MRPS18B: variants seen among roughly 807,000 people sequenced by gnomAD.
MRPS18B encodes the protein mitochondrial ribosomal protein S18B.
MRPS18B carries 27 observed loss-of-function variants against 28.4 expected under a neutral mutation model. The observed-to-expected ratio is 0.95, with a 90% CI of 0.70 to 1.31. The LOEUF (loss-of-function observed/expected upper bound fraction) is 1.31, where lower values mean the gene tolerates loss of function less well. MRPS18B is among the 40% of genes most tolerant of loss of function. The probability of loss-of-function intolerance (pLI) is 0.00; values close to 1 mark genes in which losing one functional copy is unlikely to be tolerated. For synonymous variants in MRPS18B, 118 were observed against 123.7 expected, an observed-to-expected ratio of 0.95 and a Z score of 0.30; for missense variants, 343 against 335.9, an observed-to-expected ratio of 1.02 and a Z score of -0.17.
At chr6:30,620,907 A>G (rs981388059) in intron 4 of MRPS18B, among the ~76,000 whole-genome samples, 8 of 152,182 alleles carry the variant, frequency 5.3e-5, no homozygotes, top group Non-Finnish European at 8.8e-5. Context: ...CAATATCCAA[A>G]GATTCGTTTG....
Position 30,621,987 on chromosome 6 carries a change from TGAGA to T in MRPS18B, c.355-838_355-835del, listed in dbSNP as rs112681062. The stretch of plus-strand genomic sequence containing the variant: ...CAGAGATTATAATTAATTACATAAC[TGAGA>T]GAGAGAAATGTTACAAATTTAGTAG... On this transcript the variant is annotated intron_variant, in intron 4 of 6. Transcript: ENST00000259873. Among the ~76,000 whole-genome samples the T allele has an allele frequency of 6.6e-3, 1,001 of 151,980 alleles. 11 individuals are homozygous for T. The highest frequency in any genetic ancestry group is 0.022 in the African/African-American group (922 of 41,418).
In MRPS18B at chr6:30,624,798, A is replaced by T. The variant is rs542538475; in HGVS notation, c.422-85A>T. 7 of 1,483,788 alleles carry T rather than the reference A, an allele frequency of 4.7e-6. No individual in the cohort carries two copies. The African/African-American group carries it at 9.7e-5, about 21-fold the overall frequency. The allele number at this position is 1,483,788 out of a possible 1,614,324, so 91.9% of individuals were successfully genotyped here. ...TCATTAGGTAAAGCCAATCCTTCCCAATCTACCCCTCTGTCACCATATGGA... is the reference window on the plus strand; with the variant it reads ...TCATTAGGTAAAGCCAATCCTTCCCTATCTACCCCTCTGTCACCATATGGA... On this transcript the variant is annotated intron_variant, in intron 5 of 6. Transcript: ENST00000259873.
At chr6:30,618,133 G>C (rs1760853773) in intron 1 of MRPS18B, among the ~76,000 whole-genome samples, 190 bp downstream of exon 1, 1 of 150,910 alleles carries the variant, frequency 6.6e-6, no homozygotes, top group Non-Finnish European at 1.5e-5. Context: ...TAAACGCCAG[G>C]GTTAGGTATC....
chr6:30,623,926 C>G (rs1761324417), intron 5 of MRPS18B, among the ~76,000 whole-genome samples: 1 of 151,908 alleles, frequency 6.6e-6, no homozygotes. Flanking sequence ...CAGGCACATG[C>G]CACCATGTCC....
At chr6:30,619,675 A>G (rs1761014577) in intron 2 of MRPS18B, 34 bp from the exon 3 acceptor site, 3 of 1,611,358 alleles carry the variant, frequency 1.9e-6, no homozygotes, top group Non-Finnish European at 2.5e-6. Flanking sequence ...CTACACTCCC[A>G]CCCAGGAATA....
At chr6:30,619,298 C>G (rs1330157628) in intron 1 of MRPS18B, among the ~76,000 whole-genome samples, 195 bp from the exon 2 acceptor site, 1 of 152,102 alleles carries the variant, frequency 6.6e-6, no homozygotes, top group East Asian at 1.9e-4. Flanking sequence ...CTTTCAGGAT[C>G]CAATTGTAGA....
chr6:30,625,624 T>A lies in MRPS18B; in HGVS notation c.604T>A (p.Trp202Arg), dbSNP rs1314128998. 1 of 1,612,890 alleles carries A rather than the reference T, an allele frequency of 6.2e-7. No individual in the cohort carries two copies. The highest frequency in any genetic ancestry group is 2.2e-5 in the East Asian group (1 of 44,900). Reference sequence around the variant, plus strand: ...GGTCTCAGGTGACCCCTGGTACCCATGGTACAACTGGAAACAGCCACCGGA... The same window carrying A: ...GGTCTCAGGTGACCCCTGGTACCCAAGGTACAACTGGAAACAGCCACCGGA... ...TLVSGDPWYP[W>R]YNWKQPPERE... Residue 202 changes from tryptophan (W) to arginine (R), a missense_variant, in exon 7 of 7, where the codon TGG (tryptophan) becomes AGG (arginine). Transcript: ENST00000259873.
chr6:30,620,575 G>GTT (rs879897757), intron 4 of MRPS18B, among the ~76,000 whole-genome samples: 7 of 144,466 alleles, frequency 4.8e-5, no homozygotes, highest in East Asian at 2.0e-4. Context: ...AGAAATGGCT[G>GTT]TTTTTTTTTT....
chr6:30,625,929 C>T lies in MRPS18B; in HGVS notation c.*132C>T, dbSNP rs903267313. The T allele has an allele frequency of 3.1e-6, 3 of 981,364 alleles. No homozygotes were observed. Among genetic ancestry groups the T allele is most frequent in the Non-Finnish European group, 3.0e-6 (2 of 671,740 alleles). The allele number at this position is 981,364 out of a possible 1,614,324, so 60.8% of individuals were successfully genotyped here. A position where few individuals can be genotyped will look rare whatever the true frequency, so the allele number is the denominator to read the frequency against. ...CAGCCTGGGCACCATGGTGAAACCT[C>T]GTCTTTACCAAAAAATACAAAAATT... On this transcript the variant is annotated 3_prime_UTR_variant, in exon 7 of 7. Transcript: ENST00000259873.
chr6:30,625,593 C>A lies in MRPS18B; in HGVS notation c.573C>A (p.Pro191=), dbSNP rs752212850. 2 of 1,612,166 alleles carry A rather than the reference C, an allele frequency of 1.2e-6. No homozygotes were observed. The highest frequency in any genetic ancestry group is 1.7e-6 in the Non-Finnish European group (2 of 1,179,230). ...HGAVSATPPA[P]TLVSGDPWYP... is the part of the protein sequence containing the mutation. ...CTGTGAGTGCTACTCCGCCAGCCCCCACCCTGGTCTCAGGTGACCCCTGGT... is the reference window on the plus strand; with the variant it reads ...CTGTGAGTGCTACTCCGCCAGCCCCAACCCTGGTCTCAGGTGACCCCTGGT... The change falls in exon 7 of 7, where the codon CCC becomes CCA. Residue 191 remains proline, a synonymous_variant. Transcript: ENST00000259873.
At chr6:30,620,671 G>A (rs1057397782) in intron 4 of MRPS18B, among the ~76,000 whole-genome samples, 6 of 152,040 alleles carry the variant, frequency 3.9e-5, no homozygotes, top group African/African-American at 1.4e-4. Context: ...CTGGGTTCAA[G>A]CGATTCTCCC....
At chr6:30,624,732 A>G (rs1223049182) in intron 5 of MRPS18B, 151 bp from the exon 6 acceptor site, 1 of 703,684 alleles carries the variant, frequency 1.4e-6, no homozygotes, top group Non-Finnish European at 2.3e-6. Flanking sequence ...CTTTGGGCAG[A>G]TGGGGAAACT....
rs968037340 is a variant in MRPS18B at position 30,622,834 on chromosome 6, C to A, written c.357C>A (p.Asn119Lys). 3 of 1,613,004 alleles carry A rather than the reference C, an allele frequency of 1.9e-6. No homozygotes were observed. In the Middle Eastern group the frequency reaches 4.9e-4, roughly 266 times the overall value. Residue 119 changes from asparagine to lysine, a missense_variant and splice_region_variant, in exon 5 of 7, where the codon AAC (asparagine) becomes AAA (lysine). Coordinates refer to ENST00000259873, the MANE Select transcript of MRPS18B (RefSeq NM_014046.4). ...RDHKLHVDFR[N>K]VKLLEQFVCA... ...TTCTCTACCACTTTCCCCCACAGAA[C>A]GTGAAGCTCTTGGAGCAATTTGTCT...
intron 4 of MRPS18B, among the ~76,000 whole-genome samples, chr6:30,621,910 G>A (rs1224396168): frequency 6.6e-6 from 1 of 152,220 alleles, no homozygotes; most frequent in African/African-American, 2.4e-5. Flanking sequence ...TTGCACCACT[G>A]CACTCCAGCC....
intron 4 of MRPS18B, among the ~76,000 whole-genome samples, chr6:30,621,759 C>T (rs978054379): frequency 1.3e-5 from 2 of 152,112 alleles, no homozygotes; most frequent in African/African-American, 4.8e-5. Flanking sequence ...GCCTGGCCAA[C>T]AAGGTGAAAC....
At chr6:30,625,443 T>G (rs772395936) in intron 6 of MRPS18B, 59 bp from the exon 7 acceptor site, 79 of 1,441,836 alleles carry the variant, frequency 5.5e-5, no homozygotes, top group Non-Finnish European at 6.4e-5. Context: ...TTTTTCTTAC[T>G]TCATCTAAAC....
chr6:30,618,552 A>G (rs1394969088), intron 1 of MRPS18B: 1 of 151,348 alleles, frequency 6.6e-6, no homozygotes, highest in Non-Finnish European at 1.5e-5. Flanking sequence ...AGTCTTGTGT[A>G]CTCACCTCTC....
chr6:30,621,473 C>G (rs1423430045), intron 4 of MRPS18B, among the ~76,000 whole-genome samples: 3 of 152,102 alleles, frequency 2.0e-5, no homozygotes, highest in Non-Finnish European at 4.4e-5. Flanking sequence ...TTCTTCTGAG[C>G]TTGCAGCAAA....
intron 1 of MRPS18B, among the ~76,000 whole-genome samples, chr6:30,618,207 C>T (rs971918424): frequency 2.0e-5 from 3 of 151,996 alleles, no homozygotes; most frequent in African/African-American, 4.8e-5. Context: ...CCCTGTCCAC[C>T]CTCAGTCATG....
Sources: allele counts gnomAD v4.1 joint callset (sites outside exome capture counted in the v4.1 genomes callset), GRCh38; gene constraint gnomAD v4.1.1; transcripts MANE v1.5; gene names NCBI Gene and HGNC (gene_info 2026-07-23, HGNC 2026-07-21).